The following AGBL1 variants were observed in gnomAD, a reference collection of about 807,000 sequenced individuals.
The protein encoded by AGBL1 is cytosolic carboxypeptidase 4.
Under a neutral mutation model 118.9 loss-of-function variants are expected in AGBL1, and 130 were observed. The ratio of observed to expected loss-of-function variants is 1.09; its 90% confidence interval spans 0.95 to 1.26. AGBL1 has a LOEUF of 1.26. Ranked by LOEUF, AGBL1 falls within the 50% of genes most tolerant of loss-of-function variation. The pLI, the probability that AGBL1 is intolerant of heterozygous loss-of-function variation, is 0.00. For synonymous variants in AGBL1, 555 were observed against 478.9 expected (o/e 1.16, Z -2.08); for missense variants, 1,584 against 1,298.1 (o/e 1.22, Z -3.38).
chr15:86,647,221 A>G (rs930425926), intron 21 of AGBL1, among the ~76,000 whole-genome samples: 4 of 152,176 alleles, frequency 2.6e-5, no homozygotes, highest in African/African-American at 9.6e-5. Flanking sequence ...AAAATAATGC[A>G]TCCAAGATAA....
intron 22 of AGBL1, among the ~76,000 whole-genome samples, chr15:86,767,996 A>T (rs1449878066): frequency 3.3e-5 from 5 of 151,994 alleles, no homozygotes; most frequent in Non-Finnish European, 7.4e-5. Context: ...ACAGAGATGA[A>T]AAAAGGGCCT....
chr15:86,197,244 G>T (rs1436595851), intron 5 of AGBL1, among the ~76,000 whole-genome samples: 2 of 152,188 alleles, frequency 1.3e-5, no homozygotes, highest in African/African-American at 2.4e-5. Flanking sequence ...GGGACTGTTG[G>T]TTGAAATATG....
chr15:86,994,990 C>A (rs144735925), intron 24 of AGBL1, among the ~76,000 whole-genome samples: 4,632 of 152,248 alleles, frequency 0.03, 108 homozygotes, highest in Non-Finnish European at 0.045. Context: ...GCTGAGCTGA[C>A]TTTATGTTTT....
intron 20 of AGBL1, among the ~76,000 whole-genome samples, chr15:86,551,625 C>G (rs2083664297): frequency 6.6e-6 from 1 of 152,124 alleles, no homozygotes; most frequent in Non-Finnish European, 1.5e-5. Context: ...CTATCAAACT[C>G]TTAAGAACAA....
chr15:86,252,044 A>G (rs983346866), intron 7 of AGBL1, among the ~76,000 whole-genome samples: 2 of 152,228 alleles, frequency 1.3e-5, no homozygotes, highest in South Asian at 2.1e-4. Flanking sequence ...GTTAAAACAC[A>G]GATTGCTAGA....
chr15:86,995,064 A>G (rs371176872), intron 24 of AGBL1, among the ~76,000 whole-genome samples: 1 of 152,024 alleles, frequency 6.6e-6, no homozygotes, highest in Non-Finnish European at 1.5e-5. Flanking sequence ...CTCTAGTCCT[A>G]TGTGGTAGAT....
chr15:86,110,788 A>G (rs1449412705), intron 1 of AGBL1, among the ~76,000 whole-genome samples: 1 of 152,204 alleles, frequency 6.6e-6, no homozygotes, highest in Admixed American at 6.5e-5. Flanking sequence ...TTCGGTGAAC[A>G]GTTTCTGAAC....
At chr15:86,231,211 A>G (rs2078450132) in intron 6 of AGBL1, among the ~76,000 whole-genome samples, 1 of 152,164 alleles carries the variant, frequency 6.6e-6, no homozygotes, top group African/African-American at 2.4e-5. Flanking sequence ...CTGGGATTCT[A>G]CTGGATCCCC....
At chr15:86,676,689 T>C (rs1483503461) in intron 22 of AGBL1, among the ~76,000 whole-genome samples, 1 of 152,170 alleles carries the variant, frequency 6.6e-6, no homozygotes, top group Non-Finnish European at 1.5e-5. Flanking sequence ...CTCCTGCCTC[T>C]TTCTTTGACA....
At chr15:86,965,805 G>A (rs576446080) in intron 23 of AGBL1, among the ~76,000 whole-genome samples, 22 of 152,184 alleles carry the variant, frequency 1.4e-4, no homozygotes, top group African/African-American at 4.8e-4. Context: ...GTTGAACAAT[G>A]AGAACCCATG....
At chr15:86,770,146 A>G (rs974792862) in intron 22 of AGBL1, among the ~76,000 whole-genome samples, 9 of 152,062 alleles carry the variant, frequency 5.9e-5, no homozygotes, top group African/African-American at 2.2e-4. Context: ...GAAAAACTAA[A>G]CAAAACTAAA....
intron 17 of AGBL1, among the ~76,000 whole-genome samples, chr15:86,357,338 C>G (rs1395509900): frequency 6.6e-6 from 1 of 152,094 alleles, no homozygotes; most frequent in Non-Finnish European, 1.5e-5. Flanking sequence ...GTAATTAAGT[C>G]AAAACTGAAT....
At chr15:86,262,976 C>T (rs2079017029) in intron 10 of AGBL1, 82 bp downstream of exon 10, 9 of 980,552 alleles carry the variant, frequency 9.2e-6, no homozygotes, top group Non-Finnish European at 1.4e-5. Context: ...CCAGGGTGTC[C>T]AGATGGAAAG....
At chr15:86,595,220 C>T (rs191643074) in intron 21 of AGBL1, among the ~76,000 whole-genome samples, 1 of 152,270 alleles carries the variant, frequency 6.6e-6, no homozygotes, top group East Asian at 1.9e-4. Flanking sequence ...AAAGTGTCAC[C>T]TCTATCTTGT....
intron 5 of AGBL1, among the ~76,000 whole-genome samples, chr15:86,159,470 A>C (rs2077237043): frequency 6.6e-6 from 1 of 152,156 alleles, no homozygotes; most frequent in Admixed American, 6.5e-5. Context: ...CTCTAAAGAG[A>C]CAGCCAGTTA....
chr15:86,143,477 A>T (rs2076991391), intron 2 of AGBL1, among the ~76,000 whole-genome samples: 2 of 152,236 alleles, frequency 1.3e-5, no homozygotes, highest in East Asian at 3.8e-4. Context: ...TTGCAGCTGA[A>T]CACAACTAGG....
chr15:86,488,174 T>A (rs1416381105), intron 18 of AGBL1, among the ~76,000 whole-genome samples: 1 of 152,032 alleles, frequency 6.6e-6, no homozygotes. Context: ...CTTGAGCTCC[T>A]ATATGTATAA....
At chr15:86,239,929 T>C (rs1222956190) in intron 6 of AGBL1, among the ~76,000 whole-genome samples, 5 of 152,242 alleles carry the variant, frequency 3.3e-5, no homozygotes, top group Non-Finnish European at 4.4e-5. Context: ...CCAAGGTATA[T>C]ATATAGGCAC....
At chr15:86,957,340 A>G (rs969378683) in intron 23 of AGBL1, among the ~76,000 whole-genome samples, 1 of 152,126 alleles carries the variant, frequency 6.6e-6, no homozygotes, top group Non-Finnish European at 1.5e-5. Flanking sequence ...GGGCCTAGCC[A>G]CTAATGCAGA....
Sources: gnomAD v4.1 joint callset for allele counts (sites outside exome capture counted in the v4.1 genomes callset) on GRCh38, gnomAD v4.1.1 for gene constraint, MANE v1.5 for transcripts, NCBI Gene and HGNC (gene_info 2026-07-23, HGNC 2026-07-21) for gene names.